Variants in SYTL2 observed in about 807,000 individuals in gnomAD.
SYTL2 encodes the protein synaptotagmin like 2, also known as synaptotagmin-like protein 2.
Under a neutral mutation model 198.7 loss-of-function variants are expected in SYTL2, and 165 were observed. The ratio of observed to expected loss-of-function variants is 0.83; its 90% CI spans 0.73 to 0.94. SYTL2 has a LOEUF of 0.94. Ranked by LOEUF, SYTL2 falls within the 40% of genes least tolerant of loss-of-function variation. The pLI is 0.00. For missense variants in SYTL2, 2,835 were observed against 2,582.8 expected (o/e 1.10, Z -2.12); for synonymous variants, 966 against 917.7 (o/e 1.05, Z -0.95).
intron 13 of SYTL2, among the ~76,000 whole-genome samples, chr11:85,709,975 G>A (rs1362145298): frequency 2.0e-5 from 3 of 152,162 alleles, no homozygotes; most frequent in East Asian, 1.9e-4. Flanking sequence ...GAGCCACCGC[G>A]CCCAGCCGAC....
intron 4 of SYTL2, among the ~76,000 whole-genome samples, chr11:85,741,094 A>T (rs2153508720): frequency 6.6e-6 from 1 of 151,976 alleles, no homozygotes; most frequent in Non-Finnish European, 1.5e-5. Context: ...TCTTAGCTTA[A>T]ATGTTGTTTA....
Position 85,737,644 on chromosome 11 carries a change from T to C in SYTL2, c.402A>G (p.Val134=). 1.9e-6 allele frequency: 3 copies of C among 1,613,544 alleles called. No individual in the cohort carries two copies. The highest frequency in any genetic ancestry group is 2.5e-6 in the Non-Finnish European group (3 of 1,179,472). The change falls in exon 5 of 20, where the codon GTA becomes GTG. Residue 134 remains valine, a synonymous_variant. Transcript: ENST00000359152. The part of the protein sequence containing the change: ...AAPASPSSSV[V]NPASSVIDMS... Reference sequence around the variant, plus strand: ...TATCAATCACACTGGAAGCTGGATTTACCACACTGGAACTGCAAAAGAAAC... The same window carrying C: ...TATCAATCACACTGGAAGCTGGATTCACCACACTGGAACTGCAAAAGAAAC...
chr11:85,841,233 T>A, the SYTL2 span, among the ~76,000 whole-genome samples: 1 of 152,204 alleles, frequency 6.6e-6, no homozygotes, highest in African/African-American at 2.4e-5. Context: ...GAGTATACAC[T>A]AGTTCAACCA....
chr11:85,787,834 G>C (rs568892302), intron 1 of SYTL2, among the ~76,000 whole-genome samples: 1 of 151,882 alleles, frequency 6.6e-6, no homozygotes, highest in East Asian at 1.9e-4. Context: ...GGAAAGGAAG[G>C]AGAAGGGGCC....
At chr11:85,707,310 G>A (rs2085331732) in intron 15 of SYTL2, 119 bp downstream of exon 15, 5 of 677,346 alleles carry the variant, frequency 7.4e-6, no homozygotes, top group Non-Finnish European at 7.8e-6. Flanking sequence ...CAGAACATTT[G>A]TATTCCCTTC....
chr11:85,851,833 G>A, the SYTL2 span, among the ~76,000 whole-genome samples: 9 of 152,206 alleles, frequency 5.9e-5, no homozygotes, highest in Admixed American at 6.5e-5. Flanking sequence ...AAAATTTTCC[G>A]CTGGTAGCTT....
chr11:85,791,511 A>G (rs1193616137), intron 1 of SYTL2, among the ~76,000 whole-genome samples: 3 of 152,216 alleles, frequency 2.0e-5, no homozygotes, highest in Admixed American at 6.5e-5. Context: ...TATCTCATCC[A>G]TATAATGAGG....
At chr11:85,840,512 A>G in the SYTL2 span, among the ~76,000 whole-genome samples, 2 of 152,208 alleles carry the variant, frequency 1.3e-5, no homozygotes, top group Non-Finnish European at 2.9e-5. Flanking sequence ...ACAGCATGGT[A>G]CTGGTACAAA....
rs201636375 is a variant in SYTL2, at chr11:85,707,545, T to A, written c.5916-14A>T. ...GCCTTTACATATCTGAAAAGGAGAA[T>A]TGAACAGACAAAGTCAAAGAAAATA... is the stretch of plus-strand genomic sequence containing the variant. On this transcript the variant is annotated splice_polypyrimidine_tract_variant and intron_variant, in intron 14 of 19. Coordinates refer to ENST00000359152, the MANE Select transcript of SYTL2 (RefSeq NM_206927.4). 4 of 1,478,864 alleles carry A rather than the reference T, an allele frequency of 2.7e-6. No individual in the cohort carries two copies. Among genetic ancestry groups the A allele is most frequent in the South Asian group, 1.2e-5 (1 of 86,720 alleles). The allele number at this position is 1,478,864 out of a possible 1,614,324, so 91.6% of individuals were successfully genotyped here.
intron 14 of SYTL2, chr11:85,708,249 G>A (rs2085562846): frequency 6.7e-6 from 2 of 297,846 alleles, no homozygotes; most frequent in South Asian, 2.6e-5. Flanking sequence ...ACGCTTTGGT[G>A]CTTGCAGTAT....
At position 85,727,594 on chromosome 11, in the gene SYTL2, A is replaced by ATCT. The variant is rs1279635197; in HGVS notation, c.1763_1764insAGA (p.Asp589dup). 2 of 1,536,002 alleles carry ATCT rather than the reference A, an allele frequency of 1.3e-6. No homozygotes were observed. The highest frequency in any genetic ancestry group is 2.7e-5 in the African/African-American group (2 of 73,026). The stretch of plus-strand genomic sequence containing the variant: ...CTCCCTCTGCTTGGAATGGTGAGTC[A>ATCT]GATCTCACAGGCTTCAATTCAATTT... On this transcript the variant is annotated inframe_insertion, in exon 8 of 20. Coordinates refer to ENST00000359152, the MANE Select transcript of SYTL2 (RefSeq NM_206927.4).
chr11:85,851,074 C>T, the SYTL2 span, among the ~76,000 whole-genome samples: 1 of 151,032 alleles, frequency 6.6e-6, no homozygotes, highest in Non-Finnish European at 1.5e-5. Flanking sequence ...ATACCTAATG[C>T]TAGATGACGA....
chr11:85,849,679 G>T, the SYTL2 span, among the ~76,000 whole-genome samples: 1 of 149,672 alleles, frequency 6.7e-6, no homozygotes, highest in Admixed American at 6.7e-5. Context: ...ATGCTGTTTT[G>T]GTTACTGTAG....
Position 85,725,182 on chromosome 11 carries a change from A to T in SYTL2, c.4176T>A (p.Gly1392=). 6.2e-7 allele frequency: 1 copy of T among 1,614,090 alleles called. No individual in the cohort carries two copies. The highest frequency in any genetic ancestry group is 8.5e-7 in the Non-Finnish European group (1 of 1,179,990). The change falls in exon 8 of 20, where the codon GGT becomes GGA. Residue 1392 remains glycine (G), a synonymous_variant. Coordinates refer to ENST00000359152, the MANE Select transcript of SYTL2 (RefSeq NM_206927.4). ...WLSYPAGREV[G]PGEVNPEFPE... ...GAAATTCTGGGTTCACTTCTCCAGG[A>T]CCTACTTCCCTTCCAGCTGGATAAC...
At position 85,727,695 on chromosome 11, in the gene SYTL2, A is replaced by G. The variant is rs1390677643; in HGVS notation, c.1663T>C (p.Ser555Pro). 1 of 1,543,898 alleles carries G rather than the reference A, an allele frequency of 6.5e-7. No individual in the cohort carries two copies. The highest frequency in any genetic ancestry group is 2.0e-5 in the Admixed American group (1 of 50,976). Residue 555 changes from serine (S) to proline (P), a missense_variant, in exon 8 of 20, where the codon TCA becomes CCA. Ser to Pro is a moderately conservative substitution (Grantham distance 74, BLOSUM62 -1). Transcript: ENST00000359152. ...IESKEKTDSK[S>P]QVAVDLVTDD... ...GTCACCAAGTCAACAGCAACCTGTGATTTTGAGTCTGTTTTTTCTTTGGAC... is the reference window on the plus strand; with the variant it reads ...GTCACCAAGTCAACAGCAACCTGTGGTTTTGAGTCTGTTTTTTCTTTGGAC...
intron 18 of SYTL2, 86 bp from the exon 19 acceptor site, chr11:85,696,474 G>A (rs1319418380): frequency 4.5e-6 from 5 of 1,100,838 alleles, no homozygotes; most frequent in Non-Finnish European, 6.9e-6. Context: ...AGCTATTAAA[G>A]ATTGACAATG....
At chr11:85,747,336 A>G (rs561218541) in intron 3 of SYTL2, among the ~76,000 whole-genome samples, 34 of 152,182 alleles carry the variant, frequency 2.2e-4, no homozygotes, top group African/African-American at 7.9e-4. Flanking sequence ...TATAAGGAAT[A>G]CGCACTATCA....
Position 85,719,256 on chromosome 11 carries a change from T to G in SYTL2, c.5429-413A>C, listed in dbSNP as rs1390871169. ...GTGTGTGTGCATCATCATTCACATA[T>G]GCCTCTGGGAGGCTTGCTTGGGAAG... On this transcript the variant is annotated intron_variant, in intron 9 of 19. Coordinates refer to ENST00000359152, the MANE Select transcript of SYTL2 (RefSeq NM_206927.4). 4.2e-6 allele frequency: 5 copies of G among 1,181,890 alleles called. No homozygotes were observed. The East Asian group carries it at 2.9e-4, about 69-fold the overall frequency. 73.2% of individuals were successfully genotyped at this position (1,181,890 alleles called of 1,614,324 possible). A position where few individuals can be genotyped will look rare whatever the true frequency, so the allele number is the denominator to read the frequency against.
the SYTL2 span, among the ~76,000 whole-genome samples, chr11:85,825,722 T>C: frequency 1.1e-4 from 16 of 152,344 alleles, no homozygotes; most frequent in Admixed American, 3.3e-4. Context: ...TGAGATATCC[T>C]AGAAAGCATG....
Sources: gnomAD v4.1 joint callset for allele counts (sites outside exome capture counted in the v4.1 genomes callset) on GRCh38, gnomAD v4.1.1 for gene constraint, MANE v1.5 for transcripts, NCBI Gene and HGNC (gene_info 2026-07-23, HGNC 2026-07-21) for gene names.